The following SLCO1A2 variants were observed in gnomAD, a reference collection of about 807,000 sequenced individuals.
The protein encoded by SLCO1A2 is solute carrier organic anion transporter family member 1A2.
A neutral mutation model predicts 69.0 loss-of-function variants in SLCO1A2; 67 were observed. The ratio of observed to expected loss-of-function variants is 0.97; its 90% CI spans 0.80 to 1.19. SLCO1A2 has a LOEUF of 1.19. SLCO1A2 is among the 50% of genes most tolerant of loss of function. The probability of loss-of-function intolerance (pLI) is 0.00; values close to 1 mark genes in which losing one functional copy is unlikely to be tolerated. For missense variants in SLCO1A2, 787 were observed against 793.7 expected (o/e 0.99, Z 0.10); for synonymous variants, 260 against 265.9 (o/e 0.98, Z 0.22).
rs1369354793 is a variant in SLCO1A2 at position 21,265,556 on chromosome 12, A to AAAC, written c.*3989_*3991dup. On this transcript the variant is annotated 3_prime_UTR_variant, in exon 15 of 15. Transcript: ENST00000683939. ...TTGTTCCTCCAACCTAGAAACTTTT[A>AAAC]AACACTGGTGTAGTTTCTCCATGTT... is the stretch of plus-strand genomic sequence containing the variant. 2 of 152,204 alleles carry AAAC rather than the reference A, an allele frequency of 1.3e-5. No individual in the cohort carries two copies. The highest frequency in any genetic ancestry group is 4.8e-5 in the African/African-American group (2 of 41,454). 9.4% of individuals were successfully genotyped at this position (152,204 alleles called of 1,614,324 possible).
intron 2 of SLCO1A2, among the ~76,000 whole-genome samples, chr12:21,331,426 G>GAGCA (rs1952608660): frequency 6.6e-6 from 1 of 152,074 alleles, no homozygotes; most frequent in Non-Finnish European, 1.5e-5. Flanking sequence ...CAGCTTCAGA[G>GAGCA]GTCTGGCTGC....
At chr12:21,341,033 C>T (rs1167568537) in intron 2 of SLCO1A2, among the ~76,000 whole-genome samples, 1 of 151,948 alleles carries the variant, frequency 6.6e-6, no homozygotes, top group African/African-American at 2.4e-5. Flanking sequence ...TTTAATTCTC[C>T]TAAAATCTTA....
At chr12:21,314,403 A>T in intron 4 of SLCO1A2, 146 bp downstream of exon 4, 1 of 838,102 alleles carries the variant, frequency 1.2e-6, no homozygotes, top group Non-Finnish European at 1.9e-6. Context: ...AGCACCAAAT[A>T]GACAGATGGA....
chr12:21,381,709 T>G (rs959822072), intron 1 of SLCO1A2, among the ~76,000 whole-genome samples: 27 of 152,042 alleles, frequency 1.8e-4, no homozygotes, highest in African/African-American at 6.0e-4. Flanking sequence ...GGAAAGAGAA[T>G]CACTTGAACC....
upstream of SLCO1A2, chr12:21,334,945 T>G (rs1248026710): frequency 8.0e-6 from 2 of 248,502 alleles, no homozygotes; most frequent in Non-Finnish European, 7.6e-6. Context: ...ATTAAAGATA[T>G]TAGAATTGTT....
At chr12:21,323,197 G>A (rs745467653) in intron 2 of SLCO1A2, among the ~76,000 whole-genome samples, 1 of 152,110 alleles carries the variant, frequency 6.6e-6, no homozygotes, top group Non-Finnish European at 1.5e-5. Context: ...TATAATCTTG[G>A]TTTTAGTTAT....
chr12:21,274,910 T>G, intron 13 of SLCO1A2: 1 of 1,058,928 alleles, frequency 9.4e-7, no homozygotes, highest in South Asian at 3.6e-5. Flanking sequence ...TTCTTTCATT[T>G]TATTTTCAAA....
intron 1 of SLCO1A2, among the ~76,000 whole-genome samples, chr12:21,401,593 T>C (rs939823817): frequency 2.6e-5 from 4 of 151,962 alleles, no homozygotes; most frequent in Non-Finnish European, 2.9e-5. Flanking sequence ...TTTATTTGGA[T>C]TTTCCTTTAT....
At position 21,272,069 on chromosome 12, in the gene SLCO1A2, T is replaced by C. The variant is rs567570239; in HGVS notation, c.1794-2302A>G. Reference sequence around the variant, plus strand: ...TGCATTCTTTTCCACTTTTCAAACATTTGGGGTTTGGGAATTTTTTATTAT... The same window carrying C: ...TGCATTCTTTTCCACTTTTCAAACACTTGGGGTTTGGGAATTTTTTATTAT... On this transcript the variant is annotated intron_variant, in intron 14 of 14. Coordinates refer to ENST00000683939, the MANE Select transcript of SLCO1A2 (RefSeq NM_001386879.1). 4.6e-5 allele frequency among the ~76,000 whole-genome samples: 7 copies of C among 151,566 alleles called. No homozygotes were observed. In the South Asian group the frequency reaches 1.0e-3, roughly 22 times the overall value.
At chr12:21,363,853 G>T (rs562793159) in intron 2 of SLCO1A2, among the ~76,000 whole-genome samples, 1 of 152,240 alleles carries the variant, frequency 6.6e-6, no homozygotes, top group East Asian at 1.9e-4. Flanking sequence ...CCAGGAAGAA[G>T]CTGAATCCCT....
Position 21,311,067 on chromosome 12 carries a change from A to C in SLCO1A2, c.335+3482T>G, listed in dbSNP as rs971850200. Among the ~76,000 whole-genome samples, 7 of 152,210 alleles carry C rather than the reference A, an allele frequency of 4.6e-5. No homozygotes were observed. In the East Asian group the frequency reaches 1.3e-3, roughly 29 times the overall value. On this transcript the variant is annotated intron_variant, in intron 4 of 14. Transcript: ENST00000683939. Reference sequence around the variant, plus strand: ...TTCACAGGCTCTTCATCAGTAGTAGATTCCATCACAGGAAGCCACATTATT... The same window carrying C: ...TTCACAGGCTCTTCATCAGTAGTAGCTTCCATCACAGGAAGCCACATTATT...
chr12:21,338,803 G>C (rs779855519), upstream of SLCO1A2, among the ~76,000 whole-genome samples: 3 of 151,384 alleles, frequency 2.0e-5, no homozygotes, highest in Non-Finnish European at 4.4e-5. Context: ...ATAGAGACAA[G>C]ACTTTATCTG....
chr12:21,411,888 A>G (rs1040791040), intron 1 of SLCO1A2, among the ~76,000 whole-genome samples: 4 of 151,780 alleles, frequency 2.6e-5, no homozygotes, highest in Non-Finnish European at 5.9e-5. Context: ...GTTTTGCCAT[A>G]TTGCCTGAGC....
intron 12 of SLCO1A2, among the ~76,000 whole-genome samples, chr12:21,291,513 G>A (rs1013764300): frequency 1.4e-4 from 21 of 152,196 alleles, no homozygotes; most frequent in African/African-American, 4.6e-4. Flanking sequence ...AGCTCCAAAA[G>A]AAGAAGAAAA....
intron 2 of SLCO1A2, among the ~76,000 whole-genome samples, chr12:21,358,820 C>A (rs1330611225): frequency 2.0e-5 from 3 of 151,982 alleles, no homozygotes; most frequent in Admixed American, 6.6e-5. Flanking sequence ...TAAATACCTA[C>A]CAAAGCCACA....
At chr12:21,282,282 T>C (rs1944934311) in intron 12 of SLCO1A2, among the ~76,000 whole-genome samples, 1 of 152,000 alleles carries the variant, frequency 6.6e-6, no homozygotes, top group Non-Finnish European at 1.5e-5. Context: ...GTTCAACATA[T>C]GCAAATCAAT....
intron 1 of SLCO1A2, among the ~76,000 whole-genome samples, chr12:21,404,266 T>C (rs1193663682): frequency 6.6e-6 from 1 of 152,168 alleles, no homozygotes; most frequent in Admixed American, 6.6e-5. Flanking sequence ...CCAGGATACA[T>C]GTGCAGGGCA....
At chr12:21,352,237 A>G (rs906218602) in intron 2 of SLCO1A2, among the ~76,000 whole-genome samples, 1 of 152,178 alleles carries the variant, frequency 6.6e-6, no homozygotes, top group African/African-American at 2.4e-5. Context: ...GATCTCTGGA[A>G]ATGCGAAGAG....
At chr12:21,326,758 C>A (rs1314227347) in intron 2 of SLCO1A2, among the ~76,000 whole-genome samples, 1 of 152,128 alleles carries the variant, frequency 6.6e-6, no homozygotes, top group Non-Finnish European at 1.5e-5. Flanking sequence ...CAAGAAGTGA[C>A]TTGGGTGCTC....
Sources: allele counts gnomAD v4.1 joint callset (sites outside exome capture counted in the v4.1 genomes callset), GRCh38; gene constraint gnomAD v4.1.1; transcripts MANE v1.5; gene names NCBI Gene and HGNC (gene_info 2026-07-23, HGNC 2026-07-21).